GRID2: variants seen among roughly 807,000 people sequenced by gnomAD.
GRID2 encodes the protein glutamate receptor ionotropic, delta-2.
GRID2 carries 33 observed loss-of-function variants against 114.8 expected under a neutral mutation model. That is an observed-to-expected ratio of 0.29 (90% CI 0.22 to 0.38). The LOEUF (loss-of-function observed/expected upper bound fraction) is 0.38. GRID2 is among the 10% of genes least tolerant of loss of function. GRID2 has a pLI of 1.00. For missense variants in GRID2, 1,184 were observed against 1,257.7 expected, an observed-to-expected ratio of 0.94 and a Z score of 0.89; for synonymous variants, 505 against 449.9, an observed-to-expected ratio of 1.12 and a Z score of -1.55.
chr4:92,468,195 A>G (rs1456270124), intron 1 of GRID2, among the ~76,000 whole-genome samples: 4 of 152,076 alleles, frequency 2.6e-5, no homozygotes, highest in Non-Finnish European at 5.9e-5. Flanking sequence ...CTTATTTTCA[A>G]GTGGTTATCA....
chr4:93,017,173 T>C (rs903553380), intron 2 of GRID2, among the ~76,000 whole-genome samples: 8 of 152,312 alleles, frequency 5.3e-5, no homozygotes, highest in Admixed American at 2.0e-4. Flanking sequence ...TTAAAAAATT[T>C]GGGCAAAACC....
At chr4:93,733,804 T>C (rs970679645) in intron 14 of GRID2, among the ~76,000 whole-genome samples, 16 of 152,110 alleles carry the variant, frequency 1.1e-4, no homozygotes, top group East Asian at 1.9e-4. Flanking sequence ...ATTTCATAAA[T>C]GTAAATAATT....
intron 2 of GRID2, among the ~76,000 whole-genome samples, chr4:92,836,664 G>C (rs1220891874): frequency 6.6e-6 from 1 of 152,244 alleles, no homozygotes; most frequent in Non-Finnish European, 1.5e-5. Context: ...TGGTGTAGGA[G>C]ATATTAGAGC....
At chr4:92,755,356 T>C (rs6812357) in intron 2 of GRID2, among the ~76,000 whole-genome samples, 2,573 of 152,302 alleles carry the variant, frequency 0.017, 34 homozygotes, top group Non-Finnish European at 0.025. Flanking sequence ...TAAGAAGCTA[T>C]CATTGTATAG....
At chr4:92,738,082 A>T (rs1425166297) in intron 2 of GRID2, among the ~76,000 whole-genome samples, 2 of 152,156 alleles carry the variant, frequency 1.3e-5, no homozygotes. Context: ...TTAAAAGTTA[A>T]TTAAAAGTTT....
At chr4:92,770,534 C>T (rs1481904838) in intron 2 of GRID2, among the ~76,000 whole-genome samples, 1 of 152,074 alleles carries the variant, frequency 6.6e-6, no homozygotes. Context: ...CGAGACTGGA[C>T]AATTCATAAA....
At chr4:93,028,177 A>C (rs915037842) in intron 2 of GRID2, among the ~76,000 whole-genome samples, 3 of 152,176 alleles carry the variant, frequency 2.0e-5, no homozygotes, top group African/African-American at 7.2e-5. Flanking sequence ...GAGCTCTTGA[A>C]GCTTATAATG....
At chr4:92,654,255 C>A (rs1227071255) in intron 2 of GRID2, among the ~76,000 whole-genome samples, 1 of 151,966 alleles carries the variant, frequency 6.6e-6, no homozygotes, top group East Asian at 1.9e-4. Context: ...GCAGAAAGAA[C>A]AAGCTCTGAT....
chr4:92,713,012 A>C (rs1204632919), intron 2 of GRID2, among the ~76,000 whole-genome samples: 1 of 145,526 alleles, frequency 6.9e-6, no homozygotes, highest in Non-Finnish European at 1.5e-5. Context: ...TTTTTTTATT[A>C]TACTTTAAGT....
At chr4:93,791,856 G>A (rs981022210) in intron 1 of GRID2, among the ~76,000 whole-genome samples, 1 of 152,206 alleles carries the variant, frequency 6.6e-6, no homozygotes, top group African/African-American at 2.4e-5. Flanking sequence ...ACAGCATTGT[G>A]TGAAAAGTCT....
intron 14 of GRID2, among the ~76,000 whole-genome samples, chr4:93,729,532 A>G (rs1022519024): frequency 6.6e-6 from 1 of 151,644 alleles, no homozygotes; most frequent in Admixed American, 6.6e-5. Context: ...ACTTCCTCAG[A>G]TAATACAGAT....
At chr4:93,421,969 A>G (rs900227559) in intron 9 of GRID2, among the ~76,000 whole-genome samples, 4 of 152,180 alleles carry the variant, frequency 2.6e-5, no homozygotes, top group East Asian at 1.9e-4. Context: ...CTGTTGCTGA[A>G]AGATTTCTGA....
At chr4:92,834,495 G>A (rs1167301591) in intron 2 of GRID2, among the ~76,000 whole-genome samples, 1 of 152,038 alleles carries the variant, frequency 6.6e-6, no homozygotes, top group Non-Finnish European at 1.5e-5. Context: ...AGAAATGAGG[G>A]ATTCTGAATT....
At chr4:92,410,939 T>G (rs968200368) in intron 1 of GRID2, among the ~76,000 whole-genome samples, 7 of 151,698 alleles carry the variant, frequency 4.6e-5, no homozygotes, top group African/African-American at 1.7e-4. Context: ...CAACAGTATT[T>G]GACAATAAAA....
At chr4:93,392,387 T>C (rs570973214) in intron 8 of GRID2, among the ~76,000 whole-genome samples, 6 of 152,190 alleles carry the variant, frequency 3.9e-5, no homozygotes, top group Non-Finnish European at 7.4e-5. Context: ...GAAATTCTTC[T>C]AGTTTTTATC....
chr4:93,057,490 T>C (rs1436621827), intron 2 of GRID2, among the ~76,000 whole-genome samples: 1 of 151,822 alleles, frequency 6.6e-6, no homozygotes, highest in Non-Finnish European at 1.5e-5. Context: ...ATAACTCACA[T>C]GCTAACATGA....
chr4:93,631,049 T>G (rs1303423319), intron 14 of GRID2, among the ~76,000 whole-genome samples: 1 of 152,134 alleles, frequency 6.6e-6, no homozygotes, highest in African/African-American at 2.4e-5. Flanking sequence ...CATCATGAAG[T>G]AAAGTAACTT....
rs1488956451 is a variant in GRID2, at chr4:92,330,743, A to G, written c.88+25999A>G. 2.0e-5 allele frequency among the ~76,000 whole-genome samples: 3 copies of G among 152,070 alleles called. No homozygotes were observed. In the East Asian group the frequency reaches 5.8e-4, roughly 29 times the overall value. ...ATATATACATGTCATTATAAAATAT[A>G]TATATAATCATATAGCCTGTGAATT... On this transcript the variant is annotated intron_variant, in intron 1 of 15. Transcript: ENST00000282020.
chr4:92,885,747 T>G, intron 2 of GRID2, among the ~76,000 whole-genome samples: 1 of 152,208 alleles, frequency 6.6e-6, no homozygotes, highest in Non-Finnish European at 1.5e-5. Flanking sequence ...CACTTTCAGT[T>G]GTAATTCTGG....
Sources: allele counts gnomAD v4.1 joint callset (sites outside exome capture counted in the v4.1 genomes callset), GRCh38; gene constraint gnomAD v4.1.1; transcripts MANE v1.5; gene names NCBI Gene and HGNC (gene_info 2026-07-23, HGNC 2026-07-21).